CCNB2: variants seen among roughly 807,000 people sequenced by gnomAD.
CCNB2 encodes G2/mitotic-specific cyclin-B2.
Under a neutral mutation model 51.1 loss-of-function variants are expected in CCNB2, and 39 were observed. The ratio of observed to expected loss-of-function variants is 0.76; its 90% confidence interval spans 0.59 to 1.00. CCNB2 has a LOEUF of 1.00. CCNB2 is among the 50% of genes least tolerant of loss of function. CCNB2 has a pLI of 0.00. For synonymous variants in CCNB2, 174 were observed against 165.5 expected, an observed-to-expected ratio of 1.05 and a Z score of -0.40; for missense variants, 472 against 470.3, an observed-to-expected ratio of 1.00 and a Z score of -0.03.
At chr15:59,114,644 A>G in intron 4 of CCNB2, 30 bp downstream of exon 4, 1 of 1,586,704 alleles carries the variant, frequency 6.3e-7, no homozygotes, top group Non-Finnish European at 8.6e-7. Flanking sequence ...TTGGTTGTAT[A>G]AGCAATGTGG....
At chr15:59,109,114 G>A (rs542133402) in intron 3 of CCNB2, among the ~76,000 whole-genome samples, 3 of 152,234 alleles carry the variant, frequency 2.0e-5, no homozygotes, top group South Asian at 2.1e-4. Context: ...TCAGTGGCTC[G>A]ATCTCTGCTA....
chr15:59,107,811 G>A, intron 3 of CCNB2, 141 bp downstream of exon 3: 2 of 649,650 alleles, frequency 3.1e-6, no homozygotes, highest in Non-Finnish European at 5.3e-6. Context: ...TGTAGGAAAT[G>A]AGTATATACA....
chr15:59,107,429 C>G lies in CCNB2; in HGVS notation c.132C>G (p.Thr44=). 1 of 1,613,798 alleles carries G rather than the reference C, an allele frequency of 6.2e-7. No individual in the cohort carries two copies. Residue 44 remains threonine, a synonymous_variant, in exon 2 of 9, where the codon ACC becomes ACG. Transcript: ENST00000288207. The stretch of plus-strand genomic sequence containing the variant: ...AAGAAATTGGAAATAGAGTTACAAC[C>G]AGAGCAGCACAAGTAGCTAAGGTAA... ...VLEEIGNRVT[T]RAAQVAKKAQ...
intron 3 of CCNB2, among the ~76,000 whole-genome samples, chr15:59,111,759 A>C (rs1314181685): frequency 1.3e-5 from 2 of 151,332 alleles, no homozygotes; most frequent in African/African-American, 4.9e-5. Context: ...TTAAGGTCTT[A>C]CCGTCTCTGG....
intron 1 of CCNB2, among the ~76,000 whole-genome samples, chr15:59,105,906 A>G (rs1208169322): frequency 1.3e-5 from 2 of 152,250 alleles, no homozygotes. Context: ...ACTCAAATGT[A>G]ACAGAGGTTT....
rs754439548 is a variant in CCNB2 at position 59,116,906 on chromosome 15, C to T, written c.814C>T (p.Arg272Ter). The T allele has an allele frequency of 3.1e-6, 5 of 1,613,558 alleles. No individual in the cohort carries two copies. Among genetic ancestry groups the T allele is most frequent in the South Asian group, 1.1e-5 (1 of 91,066 alleles). ...ACCCTTGCCACTACACTTCTTAAGG[C>T]GAGCATCAAAAGCCGGGGAGGTAAG... ...GRPLPLHFLR[R>*]ASKAGEVDVE... The change falls in exon 6 of 9, where the codon CGA (arginine) becomes TGA (stop). Residue 272 changes from arginine (R) to a stop codon, truncating the protein, a stop_gained. Coordinates refer to ENST00000288207, the MANE Select transcript of CCNB2 (RefSeq NM_004701.4). LOFTEE classifies it high-confidence loss of function.
Position 59,123,570 on chromosome 15 carries a change from C to T in CCNB2, c.1029C>T (p.Val343=). The T allele has an allele frequency of 6.2e-7, 1 of 1,613,100 alleles. No individual in the cohort carries two copies. Among genetic ancestry groups the T allele is most frequent in the African/African-American group, 1.3e-5 (1 of 74,820 alleles). Residue 343 remains valine (V), a synonymous_variant, in exon 8 of 9, where the codon GTC becomes GTT. Transcript: ENST00000288207. ...ACACAGAGAATGAAGTATTGGAAGT[C>T]ATGCAGCACATGGCCAAGAATGTGG... ...TGYTENEVLE[V]MQHMAKNVVK...
intron 3 of CCNB2, among the ~76,000 whole-genome samples, chr15:59,112,778 T>C (rs1462696526): frequency 3.9e-5 from 6 of 152,052 alleles, no homozygotes; most frequent in Admixed American, 2.0e-4. Flanking sequence ...CTCAAGCCTG[T>C]AATCCCAACA....
At chr15:59,106,598 C>T (rs1239157260) in intron 1 of CCNB2, among the ~76,000 whole-genome samples, 1 of 152,148 alleles carries the variant, frequency 6.6e-6, no homozygotes, top group Non-Finnish European at 1.5e-5. Flanking sequence ...TATTTCCAAG[C>T]ACATTATGTC....
chr15:59,108,146 G>A (rs1460441684), intron 3 of CCNB2, among the ~76,000 whole-genome samples: 4 of 152,202 alleles, frequency 2.6e-5, no homozygotes, highest in African/African-American at 9.7e-5. Context: ...GAAAGGGCAC[G>A]TTTGTGGAGA....
chr15:59,109,695 G>A (rs1312185822), intron 3 of CCNB2, among the ~76,000 whole-genome samples: 5 of 152,142 alleles, frequency 3.3e-5, no homozygotes, highest in African/African-American at 1.2e-4. Context: ...TCCTTAAAAC[G>A]TCAAACTTTG....
chr15:59,118,020 T>G (rs530552001), intron 7 of CCNB2, among the ~76,000 whole-genome samples: 5 of 152,290 alleles, frequency 3.3e-5, no homozygotes, highest in African/African-American at 1.2e-4. Context: ...ATGTGTGCAG[T>G]ATAGAGTTGT....
rs1394511691 is a variant in CCNB2 at position 59,123,501 on chromosome 15, G to A, written c.976-16G>A. 1.3e-6 allele frequency: 2 copies of A among 1,505,676 alleles called. No individual in the cohort carries two copies. Among genetic ancestry groups the A allele is most frequent in the African/African-American group, 2.8e-5 (2 of 72,722 alleles). The allele number at this position is 1,505,676 out of a possible 1,614,324, so 93.3% of individuals were successfully genotyped here. On this transcript the variant is annotated splice_polypyrimidine_tract_variant and intron_variant, in intron 7 of 8. Transcript: ENST00000288207. ...GCCCCTCAGTCATGTCTGTCTGTCT[G>A]CTTCTTGTGTTTCAGAACTTAAAGC...
chr15:59,121,038 A>T (rs200851342), intron 7 of CCNB2: 1 of 76,254 alleles, frequency 1.3e-5, no homozygotes, highest in Non-Finnish European at 2.9e-5. Flanking sequence ...CTCGATGCTT[A>T]AAAAAAAAAA....
chr15:59,113,334 G>A (rs561293984), intron 3 of CCNB2, among the ~76,000 whole-genome samples: 51 of 152,270 alleles, frequency 3.3e-4, no homozygotes, highest in Admixed American at 2.2e-3. Flanking sequence ...AGAATGATCA[G>A]CTCCAGTAAT....
intron 3 of CCNB2, among the ~76,000 whole-genome samples, 160 bp downstream of exon 3, chr15:59,107,830 C>T (rs561368759): frequency 5.9e-5 from 9 of 152,216 alleles, no homozygotes; most frequent in Admixed American, 5.2e-4. Flanking sequence ...CACCTTTTAA[C>T]TTAATAACAT....
chr15:59,122,097 AAC>A (rs1164857132), intron 7 of CCNB2, among the ~76,000 whole-genome samples: 3 of 151,750 alleles, frequency 2.0e-5, no homozygotes, highest in Non-Finnish European at 4.4e-5. Context: ...CAGCCTGGGC[AAC>A]AGAGTTGAGA....
At chr15:59,113,846 C>T (rs944653373) in intron 3 of CCNB2, among the ~76,000 whole-genome samples, 10 of 152,140 alleles carry the variant, frequency 6.6e-5, no homozygotes, top group South Asian at 2.1e-4. Context: ...ACTACAGGGG[C>T]GCACCATCAC....
At chr15:59,109,066 G>T (rs79259975) in intron 3 of CCNB2, among the ~76,000 whole-genome samples, 7 of 152,108 alleles carry the variant, frequency 4.6e-5, no homozygotes, top group South Asian at 4.1e-4. Flanking sequence ...ATATTTTTGG[G>T]GGGGGACGGA....
Sources: gnomAD v4.1 joint callset for allele counts (sites outside exome capture counted in the v4.1 genomes callset) on GRCh38, gnomAD v4.1.1 for gene constraint, MANE v1.5 for transcripts, NCBI Gene and HGNC (gene_info 2026-07-23, HGNC 2026-07-21) for gene names.